The following ORC3 variants were observed in gnomAD, a reference collection of about 807,000 sequenced individuals.
ORC3 encodes origin recognition complex subunit 3.
In ORC3, 78 loss-of-function variants were observed where a neutral mutation model predicts 100.7. The observed-to-expected ratio is 0.77, with a 90% CI of 0.65 to 0.94. The LOEUF (loss-of-function observed/expected upper bound fraction) is 0.94. ORC3 is among the 40% of genes least tolerant of loss of function. ORC3 has a pLI of 0.00. For synonymous variants in ORC3, 295 were observed against 289.3 expected (o/e 1.02, Z -0.20); for missense variants, 789 against 823.9 (o/e 0.96, Z 0.52).
In ORC3 at chr6:87,634,892, T is replaced by C. The variant is rs1268280033; in HGVS notation, c.1233T>C (p.Asn411=). ...AAAACCTGCATGTTTATCATATGAA[T>C]TACTTCCTGGTTTTGAGATGTCTTC... ...LLENLHVYHM[N]YFLVLRCLHK... is the part of the protein sequence containing the mutation. The change falls in exon 12 of 20, where the codon AAT becomes AAC. Residue 411 remains asparagine (N), a synonymous_variant. Coordinates refer to ENST00000392844, the MANE Select transcript of ORC3 (RefSeq NM_012381.4). 7 of 1,605,986 alleles carry C rather than the reference T, an allele frequency of 4.4e-6. No individual in the cohort carries two copies. The Admixed American group carries it at 8.3e-5, about 19-fold the overall frequency.
chr6:87,636,656 TA>T (rs1767856555), intron 13 of ORC3, among the ~76,000 whole-genome samples, 170 bp downstream of exon 13: 1 of 152,254 alleles, frequency 6.6e-6, no homozygotes, highest in South Asian at 2.1e-4. Context: ...ATGTTTTTAA[TA>T]TAGCAACTAT....
downstream of ORC3, among the ~76,000 whole-genome samples, chr6:87,668,233 T>C (rs1770757829): frequency 1.3e-5 from 2 of 152,176 alleles, no homozygotes; most frequent in South Asian, 4.1e-4. Context: ...GGAAAGTCCA[T>C]GTCCAGAAAA....
downstream of ORC3, among the ~76,000 whole-genome samples, chr6:87,671,594 C>A (rs373624137): frequency 4.6e-5 from 7 of 152,088 alleles, no homozygotes; most frequent in East Asian, 1.2e-3. Flanking sequence ...CGGGGGCACA[C>A]CTATGTTTTA....
At chr6:87,618,086 A>G (rs1002411030) in intron 9 of ORC3, among the ~76,000 whole-genome samples, 7 of 152,208 alleles carry the variant, frequency 4.6e-5, no homozygotes, top group Non-Finnish European at 8.8e-5. Flanking sequence ...TCAACCAAGC[A>G]CTATGCTGAA....
In ORC3 at chr6:87,622,103, AT is replaced by A. The variant is rs1422911960; in HGVS notation, c.1185+93del. On this transcript the variant is annotated intron_variant, in intron 11 of 19. Transcript: ENST00000392844. The stretch of plus-strand genomic sequence containing the variant: ...AACATTTATTGAGTTAATAAAACAT[AT>A]TTGTGCATCTTAATATTTATACAGT... 3 of 841,912 alleles carry A rather than the reference AT, an allele frequency of 3.6e-6. No homozygotes were observed. In the African/African-American group the frequency reaches 5.1e-5, roughly 14 times the overall value. The allele number at this position is 841,912 out of a possible 1,614,324, so 52.2% of individuals were successfully genotyped here. A position where few individuals can be genotyped will look rare whatever the true frequency, so the allele number is the denominator to read the frequency against.
chr6:87,655,632 C>CATA (rs1259961981), intron 14 of ORC3, among the ~76,000 whole-genome samples: 2 of 151,534 alleles, frequency 1.3e-5, no homozygotes, highest in Non-Finnish European at 2.9e-5. Context: ...AGATTATAGG[C>CATA]ATAAGCCCCC....
intron 11 of ORC3, among the ~76,000 whole-genome samples, chr6:87,626,421 C>G (rs1482580075): frequency 6.6e-6 from 1 of 152,214 alleles, no homozygotes; most frequent in East Asian, 1.9e-4. Context: ...AAGTTGTATT[C>G]CTAGGTATTT....
intron 1 of ORC3, among the ~76,000 whole-genome samples, chr6:87,592,501 C>T (rs1003560460): frequency 2.0e-5 from 3 of 152,084 alleles, no homozygotes; most frequent in African/African-American, 7.2e-5. Flanking sequence ...TGTTGGTGGG[C>T]GCCTGTAATC....
intron 7 of ORC3, among the ~76,000 whole-genome samples, chr6:87,609,830 G>A (rs1778617868): frequency 6.6e-6 from 1 of 152,068 alleles, no homozygotes; most frequent in African/African-American, 2.4e-5. Flanking sequence ...GGGATTACAG[G>A]AGTGAGCCAC....
chr6:87,611,033 C>A (rs992515070), intron 7 of ORC3, among the ~76,000 whole-genome samples: 1 of 148,608 alleles, frequency 6.7e-6, no homozygotes, highest in East Asian at 2.0e-4. Context: ...ACCTCCTGGG[C>A]TTAAGCAGTC....
intron 2 of ORC3, 55 bp downstream of exon 2, chr6:87,594,462 A>T: frequency 6.9e-7 from 1 of 1,441,744 alleles, no homozygotes; most frequent in Non-Finnish European, 9.4e-7. Flanking sequence ...ACTATTAGGA[A>T]CTAACCCTAA....
At chr6:87,605,833 GTTTGC>G in intron 4 of ORC3, 79 bp from the exon 5 acceptor site, 1 of 715,508 alleles carries the variant, frequency 1.4e-6, no homozygotes, top group East Asian at 2.7e-5. Context: ...GTTTTTACTT[GTTTGC>G]TTGATATGTT....
intron 13 of ORC3, chr6:87,651,138 A>G (rs1583147748): frequency 2.2e-6 from 1 of 456,132 alleles, no homozygotes; most frequent in East Asian, 6.9e-5. Context: ...AGTTATATGA[A>G]ATAATGCCCT....
At chr6:87,669,629 T>C (rs1770789820), downstream of ORC3, among the ~76,000 whole-genome samples, 1 of 152,260 alleles carries the variant, frequency 6.6e-6, no homozygotes. Context: ...AAATTTCTCA[T>C]GTTAAGTCAC....
intron 13 of ORC3, among the ~76,000 whole-genome samples, chr6:87,639,643 GT>G (rs1768079303): frequency 6.6e-6 from 1 of 152,016 alleles, no homozygotes; most frequent in African/African-American, 2.4e-5. Flanking sequence ...TGATGTTGCT[GT>G]TTTTATCTCT....
chr6:87,645,119 A>G (rs6932733), intron 13 of ORC3, among the ~76,000 whole-genome samples: 17,009 of 151,894 alleles, frequency 0.11, 996 homozygotes, highest in East Asian at 0.16. Context: ...TAAAAAAAAA[A>G]GGGGTTTTTT....
At chr6:87,599,018 C>T (rs76996276) in intron 2 of ORC3, among the ~76,000 whole-genome samples, 1,686 of 152,188 alleles carry the variant, frequency 0.011, 31 homozygotes, top group African/African-American at 0.038. Context: ...TAGGAGATAC[C>T]CACACTGAAG....
intron 17 of ORC3, 147 bp from the exon 18 acceptor site, chr6:87,664,596 C>T: frequency 3.2e-6 from 2 of 630,328 alleles, no homozygotes; most frequent in South Asian, 1.9e-5. Context: ...AACTAGCTAA[C>T]TATTGAATAG....
chr6:87,674,034 G>A, the ORC3 span, among the ~76,000 whole-genome samples: 494 of 152,216 alleles, frequency 3.2e-3, 1 homozygote, highest in African/African-American at 0.011. Context: ...GTCTGGCTGG[G>A]CGCAGTGGCT....
Sources: gnomAD v4.1 joint callset for allele counts (sites outside exome capture counted in the v4.1 genomes callset) on GRCh38, gnomAD v4.1.1 for gene constraint, MANE v1.5 for transcripts, NCBI Gene and HGNC (gene_info 2026-07-23, HGNC 2026-07-21) for gene names.